The following ADGRL3 variants were observed in gnomAD, a reference collection of about 807,000 sequenced individuals.
The protein encoded by ADGRL3 is adhesion G protein-coupled receptor L3.
ADGRL3 carries 62 observed loss-of-function variants against 153.5 expected under a neutral mutation model. The observed-to-expected ratio is 0.40, with a 90% CI of 0.33 to 0.50. The LOEUF is 0.50. ADGRL3 is among the 20% of genes least tolerant of loss of function. The probability of loss-of-function intolerance (pLI) is 0.47; values close to 1 mark genes in which losing one functional copy is unlikely to be tolerated. For missense variants in ADGRL3, 1,641 were observed against 1,859.4 expected, an observed-to-expected ratio of 0.88 and a Z score of 2.16; for synonymous variants, 710 against 672.5, an observed-to-expected ratio of 1.06 and a Z score of -0.86.
chr4:61,666,547 A>AG (rs2094803066), intron 5 of ADGRL3, among the ~76,000 whole-genome samples: 1 of 151,594 alleles, frequency 6.6e-6, no homozygotes, highest in African/African-American at 2.4e-5. Context: ...CCAGATGAAA[A>AG]AAAAAAAAGG....
chr4:62,020,995 C>T (rs980895823), intron 21 of ADGRL3, among the ~76,000 whole-genome samples: 3 of 151,926 alleles, frequency 2.0e-5, no homozygotes, highest in East Asian at 1.9e-4. Context: ...AACTGAGGCC[C>T]TTTAAATGTA....
chr4:61,344,709 A>G (rs1000737983), intron 1 of ADGRL3, among the ~76,000 whole-genome samples: 29 of 152,162 alleles, frequency 1.9e-4, no homozygotes, highest in African/African-American at 6.3e-4. Context: ...AGTGTACTAC[A>G]TGTAAATCAT....
chr4:61,812,969 AAATT>A (rs1214855864), intron 8 of ADGRL3, among the ~76,000 whole-genome samples: 2 of 152,242 alleles, frequency 1.3e-5, no homozygotes, highest in African/African-American at 4.8e-5. Flanking sequence ...GGTAAAATAT[AAATT>A]AATCATAATT....
intron 5 of ADGRL3, among the ~76,000 whole-genome samples, chr4:61,640,232 G>GA (rs34449815): frequency 7.3e-5 from 11 of 151,058 alleles, no homozygotes; most frequent in East Asian, 3.9e-4. Context: ...ATTTTGAATA[G>GA]AAAAAAAAAT....
intron 11 of ADGRL3, among the ~76,000 whole-genome samples, chr4:61,901,613 A>G (rs193186881): frequency 6.6e-6 from 1 of 152,322 alleles, no homozygotes; most frequent in East Asian, 1.9e-4. Flanking sequence ...AAATAGACAG[A>G]TCTTTCAAAG....
intron 9 of ADGRL3, among the ~76,000 whole-genome samples, chr4:61,834,155 C>G (rs2097907105): frequency 7.2e-6 from 1 of 138,068 alleles, no homozygotes; most frequent in Non-Finnish European, 1.5e-5. Flanking sequence ...TGTTCACCTT[C>G]CTGTGTCCAT....
At chr4:61,779,658 A>G (rs1280956183) in intron 8 of ADGRL3, among the ~76,000 whole-genome samples, 1 of 151,312 alleles carries the variant, frequency 6.6e-6, no homozygotes, top group Non-Finnish European at 1.5e-5. Context: ...AAAAAAAAAA[A>G]AAGGGAGAGA....
chr4:61,787,271 TC>T (rs1326554242), intron 8 of ADGRL3, among the ~76,000 whole-genome samples: 1 of 152,156 alleles, frequency 6.6e-6, no homozygotes, highest in Non-Finnish European at 1.5e-5. Context: ...TTATTGGACT[TC>T]CTGAAATTCT....
chr4:61,393,550 A>G (rs1161935426), intron 2 of ADGRL3, among the ~76,000 whole-genome samples: 1 of 152,090 alleles, frequency 6.6e-6, no homozygotes, highest in Non-Finnish European at 1.5e-5. Context: ...TAAAATGTCA[A>G]TAATAATTTA....
chr4:61,622,820 T>C (rs180707437), intron 5 of ADGRL3, among the ~76,000 whole-genome samples: 28 of 152,232 alleles, frequency 1.8e-4, no homozygotes, highest in South Asian at 1.5e-3. Flanking sequence ...TTCAAAGCAG[T>C]CATATTCAAG....
chr4:62,018,479 G>A (rs1017935168), intron 21 of ADGRL3, among the ~76,000 whole-genome samples: 1 of 152,078 alleles, frequency 6.6e-6, no homozygotes, highest in Non-Finnish European at 1.5e-5. Flanking sequence ...TCGCAGTGGT[G>A]ATTGCAATCA....
intron 23 of ADGRL3, 59 bp downstream of exon 23, chr4:62,031,669 G>T (rs1722111113): frequency 8.6e-7 from 1 of 1,157,370 alleles, no homozygotes; most frequent in South Asian, 1.5e-5. Flanking sequence ...TAGCAAAGCA[G>T]CCACAACATA....
At chr4:61,681,263 A>C (rs1021403956) in intron 6 of ADGRL3, among the ~76,000 whole-genome samples, 1 of 152,112 alleles carries the variant, frequency 6.6e-6, no homozygotes, top group African/African-American at 2.4e-5. Context: ...TTTCTGAGCA[A>C]AGAATCTTTA....
At chr4:61,428,846 T>C (rs967509283) in intron 2 of ADGRL3, among the ~76,000 whole-genome samples, 1 of 117,550 alleles carries the variant, frequency 8.5e-6, no homozygotes, top group Admixed American at 1.1e-4. Context: ...TATCTATCTA[T>C]CTATCTATCT....
At chr4:61,749,668 A>C (rs1230975962) in intron 8 of ADGRL3, among the ~76,000 whole-genome samples, 2 of 150,890 alleles carry the variant, frequency 1.3e-5, no homozygotes, top group South Asian at 4.3e-4. Context: ...ATGAGAACAC[A>C]TGGACACAGG....
intron 8 of ADGRL3, among the ~76,000 whole-genome samples, chr4:61,749,886 A>G (rs1454671171): frequency 6.7e-6 from 1 of 148,212 alleles, no homozygotes; most frequent in Non-Finnish European, 1.5e-5. Flanking sequence ...TAAGAATAAA[A>G]ATAAAGAAAA....
intron 1 of ADGRL3, among the ~76,000 whole-genome samples, chr4:61,248,254 GTTATTGAAATGCT>G (rs1428423909): frequency 2.0e-5 from 3 of 151,916 alleles, no homozygotes; most frequent in African/African-American, 7.3e-5. Flanking sequence ...CCCATGGTGA[GTTATTGAAATGCT>G]TCATTTCAGA....
chr4:61,459,155 T>C (rs979792678), intron 2 of ADGRL3, among the ~76,000 whole-genome samples: 68 of 151,862 alleles, frequency 4.5e-4, no homozygotes, highest in African/African-American at 1.6e-3. Context: ...ACAGAAGTTG[T>C]GTTGTAAACT....
At chr4:61,726,210 G>GTTTTTTTTTTGTTTTTTTTTTTT (rs149472429) in intron 6 of ADGRL3, among the ~76,000 whole-genome samples, 19 of 118,522 alleles carry the variant, frequency 1.6e-4, no homozygotes, top group Non-Finnish European at 2.9e-4. Flanking sequence ...TTTTTTTTTT[G>GTTTTTTTTTTGTTTTTTTTTTTT]TTTTTTGAGA....
Sources: gnomAD v4.1 joint callset for allele counts (sites outside exome capture counted in the v4.1 genomes callset) on GRCh38, gnomAD v4.1.1 for gene constraint, MANE v1.5 for transcripts, NCBI Gene and HGNC (gene_info 2026-07-23, HGNC 2026-07-21) for gene names.